TANC2: variants seen among roughly 807,000 people sequenced by gnomAD.
The protein encoded by TANC2 is tetratricopeptide repeat, ankyrin repeat and coiled-coil containing 2, also known as protein TANC2.
A neutral mutation model predicts 210.5 loss-of-function variants in TANC2; 26 were observed. That is an observed-to-expected ratio of 0.12 (90% CI 0.09 to 0.17). The LOEUF (loss-of-function observed/expected upper bound fraction) is 0.17, where lower values mean the gene tolerates loss of function less well. Ranked by LOEUF, TANC2 falls within the 10% of genes least tolerant of loss-of-function variation. The pLI is 1.00. For missense variants in TANC2, 2,129 were observed against 2,608.9 expected (o/e 0.82, Z 4.01); for synonymous variants, 931 against 967.1 (o/e 0.96, Z 0.69).
At chr17:63,325,148 T>C (rs2045608617) in intron 11 of TANC2, among the ~76,000 whole-genome samples, 1 of 152,046 alleles carries the variant, frequency 6.6e-6, no homozygotes, top group Non-Finnish European at 1.5e-5. Context: ...TTGACCTCTG[T>C]GCTACCAGTA....
At chr17:63,187,558 T>C (rs2041034638) in intron 5 of TANC2, among the ~76,000 whole-genome samples, 1 of 151,952 alleles carries the variant, frequency 6.6e-6, no homozygotes, top group Non-Finnish European at 1.5e-5. Flanking sequence ...TTTTTATATA[T>C]ATATATACAT....
chr17:63,397,365 G>A (rs1395496172), intron 18 of TANC2, among the ~76,000 whole-genome samples: 2 of 152,120 alleles, frequency 1.3e-5, no homozygotes, highest in African/African-American at 2.4e-5. Context: ...AGCTTTTGTT[G>A]ATTTTTGCCA....
At chr17:63,220,643 G>A (rs1358353859) in intron 7 of TANC2, among the ~76,000 whole-genome samples, 1 of 148,096 alleles carries the variant, frequency 6.8e-6, no homozygotes, top group Non-Finnish European at 1.5e-5. Context: ...GGCGGAGGTT[G>A]CAGTGAGCTG....
Position 63,335,659 on chromosome 17 carries a change from A to T in TANC2, c.1576-4442A>T, listed in dbSNP as rs146594631. 6.6e-4 allele frequency among the ~76,000 whole-genome samples: 101 copies of T among 151,938 alleles called. 2 individuals carry two copies. The East Asian group carries it at 0.017, about 25-fold the overall frequency. ...AGGAAATAGAAGACAAAGACTAAGGATCTCTTACAGACTCCAGAAGACTAA... is the reference window on the plus strand; with the variant it reads ...AGGAAATAGAAGACAAAGACTAAGGTTCTCTTACAGACTCCAGAAGACTAA... On this transcript the variant is annotated intron_variant, in intron 11 of 27. Coordinates refer to ENST00000689528, the Ensembl canonical transcript of TANC2.
chr17:62,992,187 A>G lies in TANC2; in HGVS notation c.-23-17350A>G, dbSNP rs185229245. 9.2e-5 allele frequency among the ~76,000 whole-genome samples: 14 copies of G among 152,288 alleles called. 1 individual carries two copies. The highest frequency in any genetic ancestry group is 5.2e-4 in the Admixed American group (8 of 15,294). Reference sequence around the variant, plus strand: ...ATTTTGGTATCCATAGGGTGAGTGTATGGGGCAAGTGTGGGGCTGTCTTAA... The same window carrying G: ...ATTTTGGTATCCATAGGGTGAGTGTGTGGGGCAAGTGTGGGGCTGTCTTAA... On this transcript the variant is annotated intron_variant, in intron 1 of 27. Coordinates refer to ENST00000689528, the Ensembl canonical transcript of TANC2.
intron 8 of TANC2, among the ~76,000 whole-genome samples, chr17:63,239,726 T>C (rs180892990): frequency 3.9e-5 from 6 of 152,332 alleles, no homozygotes; most frequent in Admixed American, 3.3e-4. Flanking sequence ...TCTATTCTTA[T>C]ACTGCTATAA....
At chr17:63,361,336 A>G (rs2046951884) in intron 14 of TANC2, among the ~76,000 whole-genome samples, 1 of 152,148 alleles carries the variant, frequency 6.6e-6, no homozygotes, top group African/African-American at 2.4e-5. Context: ...ACTGGCCCAG[A>G]TCCCACACCT....
chr17:63,330,471 A>T (rs1057070220), intron 11 of TANC2, among the ~76,000 whole-genome samples: 1 of 152,174 alleles, frequency 6.6e-6, no homozygotes, highest in East Asian at 1.9e-4. Flanking sequence ...CAGGATCATA[A>T]TTTGCATGAC....
intron 8 of TANC2, among the ~76,000 whole-genome samples, chr17:63,266,346 G>A (rs1015783342): frequency 1.3e-5 from 2 of 151,508 alleles, no homozygotes; most frequent in East Asian, 1.9e-4. Flanking sequence ...GTATTGTTAC[G>A]GCACAGTGCT....
At chr17:63,128,526 G>A (rs547877874) in intron 4 of TANC2, among the ~76,000 whole-genome samples, 178 of 152,252 alleles carry the variant, frequency 1.2e-3, no homozygotes, top group Non-Finnish European at 1.1e-3. Flanking sequence ...AAGAAAAGTT[G>A]GAATTCATAT....
chr17:62,986,426 G>A (rs1568296879), intron 1 of TANC2, among the ~76,000 whole-genome samples: 1 of 152,172 alleles, frequency 6.6e-6, no homozygotes, highest in South Asian at 2.1e-4. Context: ...CTGGGGATGT[G>A]TTTGCTGGGG....
intron 3 of TANC2, among the ~76,000 whole-genome samples, chr17:63,075,905 C>T (rs1376765877): frequency 2.6e-5 from 4 of 152,030 alleles, no homozygotes; most frequent in South Asian, 2.1e-4. Flanking sequence ...GAGTATAAAA[C>T]GTTTGTTACC....
chr17:63,279,039 G>A (rs73994415), intron 9 of TANC2, among the ~76,000 whole-genome samples: 5 of 152,110 alleles, frequency 3.3e-5, no homozygotes, highest in Non-Finnish European at 7.4e-5. Flanking sequence ...TGTGCTTATA[G>A]TTAGCCATGC....
chr17:63,245,342 G>T (rs1431402635), intron 8 of TANC2, among the ~76,000 whole-genome samples: 1 of 152,118 alleles, frequency 6.6e-6, no homozygotes, highest in Non-Finnish European at 1.5e-5. Context: ...ACTCTCACAT[G>T]TATAAAAATA....
intron 7 of TANC2, among the ~76,000 whole-genome samples, chr17:63,237,142 C>CT (rs1332150246): frequency 2.0e-5 from 3 of 152,060 alleles, no homozygotes; most frequent in Admixed American, 2.0e-4. Context: ...TCCTCACCGT[C>CT]TGTTATTTTT....
chr17:63,222,506 A>G (rs2042220251), intron 7 of TANC2, among the ~76,000 whole-genome samples: 1 of 152,228 alleles, frequency 6.6e-6, no homozygotes, highest in Non-Finnish European at 1.5e-5. Context: ...GAAATTCTAC[A>G]AAAGGCAAAA....
intron 19 of TANC2, among the ~76,000 whole-genome samples, chr17:63,404,403 T>C (rs1349889347): frequency 6.6e-6 from 1 of 152,182 alleles, no homozygotes; most frequent in Non-Finnish European, 1.5e-5. Context: ...AAGAAGAATG[T>C]TTCTGTTTTT....
intron 2 of TANC2, among the ~76,000 whole-genome samples, chr17:63,046,349 T>TTTTTTA (rs2035381445): frequency 2.1e-5 from 3 of 140,310 alleles, no homozygotes; most frequent in Admixed American, 7.1e-5. Flanking sequence ...TTTTTTTTTT[T>TTTTTTA]GAGATGGAGT....
At chr17:63,388,006 A>G (rs1345165004) in intron 15 of TANC2, 1 of 152,428 alleles carries the variant, frequency 6.6e-6, no homozygotes, top group Non-Finnish European at 1.5e-5. Context: ...TACAGTGCAG[A>G]TGTCTGGGCA....
Sources: gnomAD v4.1 joint callset for allele counts (sites outside exome capture counted in the v4.1 genomes callset) on GRCh38, gnomAD v4.1.1 for gene constraint, MANE v1.5 for transcripts, NCBI Gene and HGNC (gene_info 2026-07-23, HGNC 2026-07-21) for gene names.